The following DGKI variants were observed in gnomAD, a reference collection of about 807,000 sequenced individuals.
The protein encoded by DGKI is diacylglycerol kinase iota.
DGKI carries 55 observed loss-of-function variants against 147.5 expected under a neutral mutation model. The observed-to-expected ratio is 0.37, with a 90% CI of 0.30 to 0.47. The LOEUF is 0.47. Ranked by LOEUF, DGKI falls within the 20% of genes least tolerant of loss-of-function variation. The probability of loss-of-function intolerance (pLI) is 1.00; values close to 1 mark genes in which losing one functional copy is unlikely to be tolerated. For synonymous variants in DGKI, 469 were observed against 477.1 expected (o/e 0.98, Z 0.22); for missense variants, 1,007 against 1,323.8 (o/e 0.76, Z 3.71).
At chr7:137,442,493 A>G (rs1813549687) in intron 28 of DGKI, among the ~76,000 whole-genome samples, 1 of 152,212 alleles carries the variant, frequency 6.6e-6, no homozygotes, top group Admixed American at 6.5e-5. Flanking sequence ...GTTCAAAATA[A>G]AAACCAAACA....
chr7:137,699,954 A>G (rs1480710593), intron 1 of DGKI, among the ~76,000 whole-genome samples: 1 of 152,250 alleles, frequency 6.6e-6, no homozygotes, highest in Non-Finnish European at 1.5e-5. Context: ...AAAATCCTGC[A>G]TGACCCTAAG....
intron 1 of DGKI, among the ~76,000 whole-genome samples, chr7:137,758,649 G>T (rs1795760427): frequency 6.6e-6 from 1 of 151,996 alleles, no homozygotes; most frequent in Admixed American, 6.5e-5. Context: ...TTGCACCACT[G>T]CACTCAAGTC....
intron 3 of DGKI, among the ~76,000 whole-genome samples, chr7:137,665,992 A>T (rs190155949): frequency 6.6e-6 from 1 of 152,346 alleles, no homozygotes; most frequent in African/African-American, 2.4e-5. Flanking sequence ...ATTCAAAGCT[A>T]ACGTTCATGA....
At position 137,645,452 on chromosome 7, in the gene DGKI, T is replaced by G; in HGVS notation, c.804+20A>C. 6.2e-7 allele frequency: 1 copy of G among 1,611,122 alleles called. No homozygotes were observed. Among genetic ancestry groups the G allele is most frequent in the Non-Finnish European group, 8.5e-7 (1 of 1,178,368 alleles). On this transcript the variant is annotated intron_variant, in intron 6 of 32. Transcript: ENST00000614521. ...GCCTGGGGAGCCTCCTGCGAGGCCATGAGGTGGCTGGGCTCTTACCTTACC... is the reference window on the plus strand; with the variant it reads ...GCCTGGGGAGCCTCCTGCGAGGCCAGGAGGTGGCTGGGCTCTTACCTTACC...
chr7:137,626,870 GCTTT>G (rs971877692), intron 6 of DGKI, among the ~76,000 whole-genome samples: 24 of 152,222 alleles, frequency 1.6e-4, no homozygotes, highest in African/African-American at 5.5e-4. Flanking sequence ...GTGAAATGAT[GCTTT>G]CTAAGTTTCT....
In DGKI at chr7:137,658,218, A is replaced by G. The variant is rs140805982; in HGVS notation, c.607-1678T>C. ...GAGGAACAAGAAAACATACAGTAGTAATCGTAGTAACACAGCAGTAGCAAT... is the reference window on the plus strand; with the variant it reads ...GAGGAACAAGAAAACATACAGTAGTGATCGTAGTAACACAGCAGTAGCAAT... On this transcript the variant is annotated intron_variant, in intron 3 of 32. Coordinates refer to ENST00000614521, the MANE Select transcript of DGKI (RefSeq NM_001321708.2). Among the ~76,000 whole-genome samples, 317 of 152,290 alleles carry G rather than the reference A, an allele frequency of 2.1e-3. 2 individuals carry two copies. The highest frequency in any genetic ancestry group is 7.3e-3 in the African/African-American group (304 of 41,548).
At chr7:137,694,300 C>A (rs13222186) in intron 1 of DGKI, among the ~76,000 whole-genome samples, 12 of 146,910 alleles carry the variant, frequency 8.2e-5, no homozygotes, top group Admixed American at 7.6e-4. Context: ...CCAGCCTGGG[C>A]GACAGCGAGA....
At chr7:137,454,393 C>T (rs1163365136) in intron 27 of DGKI, among the ~76,000 whole-genome samples, 3 of 152,100 alleles carry the variant, frequency 2.0e-5, no homozygotes, top group African/African-American at 7.2e-5. Flanking sequence ...CTGCCACCTA[C>T]TGTTAACTTT....
chr7:137,411,759 T>G (rs1812171477), intron 29 of DGKI, among the ~76,000 whole-genome samples: 1 of 152,212 alleles, frequency 6.6e-6, no homozygotes, highest in East Asian at 1.9e-4. Flanking sequence ...AGTCCTTGTT[T>G]GACTAACTAT....
intron 28 of DGKI, among the ~76,000 whole-genome samples, chr7:137,418,716 C>CT (rs201244538): frequency 0.027 from 4,165 of 152,064 alleles, 187 homozygotes; most frequent in African/African-American, 0.096. Flanking sequence ...TCAGCTAACT[C>CT]TTTTTTTCCA....
intron 1 of DGKI, among the ~76,000 whole-genome samples, chr7:137,784,920 G>T (rs1796619959): frequency 6.6e-6 from 1 of 151,880 alleles, no homozygotes; most frequent in South Asian, 2.1e-4. Flanking sequence ...TATTTGAACT[G>T]AATGATAATA....
At chr7:137,774,428 T>C (rs769570075) in intron 1 of DGKI, among the ~76,000 whole-genome samples, 15 of 152,106 alleles carry the variant, frequency 9.9e-5, no homozygotes, top group Non-Finnish European at 1.9e-4. Context: ...ACTCAGAAGG[T>C]TCTTTTTCCC....
chr7:137,464,604 C>T (rs142440433), intron 26 of DGKI, among the ~76,000 whole-genome samples: 2 of 152,316 alleles, frequency 1.3e-5, no homozygotes, highest in East Asian at 3.9e-4. Context: ...GAACAGCTTG[C>T]TATCAGGCCA....
intron 1 of DGKI, among the ~76,000 whole-genome samples, chr7:137,697,348 A>G (rs1563155380): frequency 6.6e-6 from 1 of 152,248 alleles, no homozygotes; most frequent in Non-Finnish European, 1.5e-5. Context: ...ACACATTCCC[A>G]TGAAAAACAT....
chr7:137,736,040 C>T (rs78990397), intron 1 of DGKI, among the ~76,000 whole-genome samples: 1,874 of 152,164 alleles, frequency 0.012, 52 homozygotes, highest in African/African-American at 0.042. Flanking sequence ...ACACACAGAT[C>T]ACACATGTTG....
At chr7:137,646,384 G>A (rs1179008232) in intron 5 of DGKI, among the ~76,000 whole-genome samples, 1 of 152,110 alleles carries the variant, frequency 6.6e-6, no homozygotes, top group East Asian at 1.9e-4. Flanking sequence ...AACCATCCTT[G>A]GGCACCTTGA....
intron 27 of DGKI, among the ~76,000 whole-genome samples, chr7:137,444,401 G>T (rs142167629): frequency 3.3e-4 from 50 of 152,284 alleles, no homozygotes; most frequent in Non-Finnish European, 4.7e-4. Flanking sequence ...TAGAAATGTA[G>T]TATAGATGAA....
In DGKI at chr7:137,484,881, T is replaced by C. The variant is rs952703027; in HGVS notation, c.2373+493A>G. 2.6e-5 allele frequency among the ~76,000 whole-genome samples: 4 copies of C among 151,896 alleles called. No homozygotes were observed. In the East Asian group the frequency reaches 5.8e-4, roughly 22 times the overall value. ...GCATGTAATTCTCTTTTTCAGGAGA[T>C]GATGGAAAAAAACATAGTCCTGGTT... On this transcript the variant is annotated intron_variant, in intron 23 of 32. Coordinates refer to ENST00000614521, the MANE Select transcript of DGKI (RefSeq NM_001321708.2).
chr7:137,624,849 G>A (rs1820878732), intron 6 of DGKI, among the ~76,000 whole-genome samples: 1 of 152,018 alleles, frequency 6.6e-6, no homozygotes, highest in Non-Finnish European at 1.5e-5. Flanking sequence ...CTCATGATCT[G>A]CTCACCTCGG....
Sources: allele counts gnomAD v4.1 joint callset (sites outside exome capture counted in the v4.1 genomes callset), GRCh38; gene constraint gnomAD v4.1.1; transcripts MANE v1.5; gene names NCBI Gene and HGNC (gene_info 2026-07-23, HGNC 2026-07-21).